ZNF76: variants seen among roughly 807,000 people sequenced by gnomAD.
ZNF76 encodes the protein zinc finger protein 76, also known as zinc finger protein 523.
ZNF76 carries 66 observed loss-of-function variants against 66.9 expected under a neutral mutation model. The observed-to-expected ratio is 0.99, with a 90% CI of 0.81 to 1.21. The LOEUF (loss-of-function observed/expected upper bound fraction) is 1.21. Among genes scored for constraint, ZNF76 ranks in the 50% most tolerant of loss-of-function variants. The pLI, the probability that ZNF76 is intolerant of heterozygous loss-of-function variation, is 0.00. For missense variants in ZNF76, 729 were observed against 760.3 expected, an observed-to-expected ratio of 0.96 and a Z score of 0.48; for synonymous variants, 275 against 296.1, an observed-to-expected ratio of 0.93 and a Z score of 0.73.
intron 12 of ZNF76, 31 bp from the exon 13 acceptor site, chr6:35,294,425 G>C: frequency 6.9e-7 from 1 of 1,450,338 alleles, no homozygotes; most frequent in Non-Finnish European, 9.7e-7. Flanking sequence ...TATACTGCAG[G>C]TGGAATGGAA....
At chr6:35,294,382 A>T (rs1433729280) in intron 12 of ZNF76, 74 bp from the exon 13 acceptor site, 2 of 1,019,096 alleles carry the variant, frequency 2.0e-6, no homozygotes, top group African/African-American at 3.1e-5. Flanking sequence ...CCTTAATTGG[A>T]GGGATGTTTA....
rs894410546 is a variant in ZNF76, at chr6:35,279,589, G to T, written c.-96-1467G>T. ...ACTACAGGTGCCCACCACCACGCCCGGCTAATTTTTTGTATTTTTAGTAGA... is the reference window on the plus strand; with the variant it reads ...ACTACAGGTGCCCACCACCACGCCCTGCTAATTTTTTGTATTTTTAGTAGA... On this transcript the variant is annotated intron_variant, in intron 1 of 13. Coordinates refer to ENST00000373953, the MANE Select transcript of ZNF76 (RefSeq NM_003427.5). The T allele has an allele frequency of 2.0e-5, 3 of 151,464 alleles. No homozygotes were observed. In the East Asian group the frequency reaches 5.8e-4, roughly 29 times the overall value. The allele number at this position is 151,464 out of a possible 1,614,324, so 9.4% of individuals were successfully genotyped here.
At chr6:35,265,520 A>AAAG (rs200688463) in intron 1 of ZNF76, among the ~76,000 whole-genome samples, 21 of 149,274 alleles carry the variant, frequency 1.4e-4, no homozygotes, top group South Asian at 4.2e-4. Context: ...AAAAAAAAAA[A>AAAG]AAGAAGAAGA....
Position 35,290,335 on chromosome 6 carries a change from G to A in ZNF76, c.502G>A (p.Gly168Ser), listed in dbSNP as rs1172496080. Residue 168 changes from glycine to serine, a missense_variant, in exon 6 of 14, where the codon GGC becomes AGC. Physicochemically the swap from Gly to Ser is moderately conservative, Grantham distance 56 (BLOSUM62 0). Transcript: ENST00000373953. ...QQVGDRAFRC[G>S]YKGCGRLYTT... ...AGTTGGAGACAGAGCATTCCGCTGT[G>A]GCTACAAGGGCTGTGGGCGTCTCTA... 6.2e-7 allele frequency: 1 copy of A among 1,614,176 alleles called. No homozygotes were observed. The highest frequency in any genetic ancestry group is 8.5e-7 in the Non-Finnish European group (1 of 1,180,014).
Position 35,281,165 on chromosome 6 carries a change from G to C in ZNF76, c.14G>C (p.Gly5Ala). ...CAGCAGTTTGCCATGGAGAGCTTGG[G>C]GCTGCACACGGTGACCCTTAGTGAT... MESL[G>A]LHTVTLSDGT... The change falls in exon 2 of 14, where the codon GGG (glycine) becomes GCG (alanine). Residue 5 changes from glycine (G) to alanine (A), a missense_variant. By Grantham distance (60) the Gly-to-Ala change is moderately conservative. Coordinates refer to ENST00000373953, the MANE Select transcript of ZNF76 (RefSeq NM_003427.5). 5.6e-6 allele frequency: 9 copies of C among 1,614,002 alleles called. No individual in the cohort carries two copies. The highest frequency in any genetic ancestry group is 7.6e-6 in the Non-Finnish European group (9 of 1,180,026).
intron 1 of ZNF76, among the ~76,000 whole-genome samples, chr6:35,276,797 T>G (rs1234337196): frequency 2.1e-5 from 3 of 142,416 alleles, no homozygotes; most frequent in East Asian, 4.0e-4. Flanking sequence ...ATGGGTTTTT[T>G]TTTTTTTTTT....
At chr6:35,291,483 C>T (rs192922223) in intron 8 of ZNF76, 75 bp from the exon 9 acceptor site, 585 of 1,609,346 alleles carry the variant, frequency 3.6e-4, no homozygotes, top group East Asian at 1.6e-3. Context: ...AGACCTGGAG[C>T]CCAGTGCCAT....
At position 35,292,493 on chromosome 6, in the gene ZNF76, C is replaced by A; in HGVS notation, c.932-61C>A. On this transcript the variant is annotated intron_variant, in intron 9 of 13. Coordinates refer to ENST00000373953, the MANE Select transcript of ZNF76 (RefSeq NM_003427.5). This position sits in a 1 kb window ranked among gnomAD's most constrained non-coding sequence, Gnocchi z 4.7. ...CACCAACCCTGTCCCTCACCCCTGT[C>A]CCCTTAGTTTCCCCCTTGCCAGCCC... The A allele has an allele frequency of 6.3e-7, 1 of 1,584,558 alleles. No individual in the cohort carries two copies. The highest frequency in any genetic ancestry group is 8.6e-7 in the Non-Finnish European group (1 of 1,156,266).
intron 5 of ZNF76, among the ~76,000 whole-genome samples, chr6:35,289,464 G>A (rs905905629): frequency 1.3e-5 from 2 of 152,172 alleles, no homozygotes; most frequent in African/African-American, 4.8e-5. Context: ...GTAACTTGTA[G>A]AGTTCAGTTT....
Position 35,290,717 on chromosome 6 carries a change from G to A in ZNF76, c.625+1G>A, listed in dbSNP as rs752682284. 6.2e-7 allele frequency: 1 copy of A among 1,614,142 alleles called. No homozygotes were observed. Among genetic ancestry groups the A allele is most frequent in the South Asian group, 1.1e-5 (1 of 91,090 alleles). On this transcript the variant is annotated splice_donor_variant, in intron 7 of 13. Transcript: ENST00000373953. LOFTEE classifies it high-confidence loss of function. Reference sequence around the variant, plus strand: ...AGCTGTGGAAAGGCCTTTGCCACAGGTAACCTGCCTGGTGGGCTGCTTCCA... The same window carrying A: ...AGCTGTGGAAAGGCCTTTGCCACAGATAACCTGCCTGGTGGGCTGCTTCCA...
intron 1 of ZNF76, among the ~76,000 whole-genome samples, chr6:35,280,407 T>C (rs746522734): frequency 4.6e-5 from 7 of 152,034 alleles, no homozygotes; most frequent in Non-Finnish European, 8.8e-5. Flanking sequence ...CAAAAGTTTA[T>C]CTGAGGACAT....
At chr6:35,262,904 G>A (rs1253622630) in intron 1 of ZNF76, among the ~76,000 whole-genome samples, 1 of 152,008 alleles carries the variant, frequency 6.6e-6, no homozygotes, top group Non-Finnish European at 1.5e-5. Flanking sequence ...AACCCGGATT[G>A]TCTTTCACCC....
At chr6:35,293,155 T>G (rs1368412319) in intron 11 of ZNF76, 111 bp downstream of exon 11, 1 of 1,339,610 alleles carries the variant, frequency 7.5e-7, no homozygotes, top group Non-Finnish European at 1.0e-6. Flanking sequence ...AGCTTCTTGT[T>G]TAAGTTTTAT....
chr6:35,261,795 G>T (rs187992625), intron 1 of ZNF76, among the ~76,000 whole-genome samples: 1 of 152,080 alleles, frequency 6.6e-6, no homozygotes, highest in Non-Finnish European at 1.5e-5. Context: ...GATTATAGGC[G>T]TGAGCCACCA....
intron 1 of ZNF76, among the ~76,000 whole-genome samples, chr6:35,260,055 T>C (rs4713844): frequency 0.84 from 123,625 of 146,480 alleles, 51,860 homozygotes; most frequent in East Asian, 0.99. Flanking sequence ...CTCCCAAACC[T>C]CACCCCGTGA....
Position 35,293,802 on chromosome 6 carries a change from G to T in ZNF76, c.1381G>T (p.Val461Phe). 1.2e-6 allele frequency: 2 copies of T among 1,614,060 alleles called. No homozygotes were observed. The highest frequency in any genetic ancestry group is 1.3e-5 in the African/African-American group (1 of 75,014). Reference protein sequence around the residue: ...LQALGSAISMVTQHGSTTLTI... With the variant: ...LQALGSAISMFTQHGSTTLTI... Reference sequence around the variant, plus strand: ...GGCCCTGGGGAGTGCCATCAGTATGGTCACCCAGCACGGCAGCACCACCCT... The same window carrying T: ...GGCCCTGGGGAGTGCCATCAGTATGTTCACCCAGCACGGCAGCACCACCCT... Residue 461 changes from valine to phenylalanine, a missense_variant, in exon 12 of 14, where the codon GTC becomes TTC. By Grantham distance (50) the Val-to-Phe change is conservative. Transcript: ENST00000373953.
chr6:35,280,523 C>A (rs1043909886), intron 1 of ZNF76, among the ~76,000 whole-genome samples: 9 of 131,878 alleles, frequency 6.8e-5, no homozygotes, highest in South Asian at 3.3e-4. Flanking sequence ...TGATCCCCCC[C>A]CCCCCCGCCC....
At position 35,287,596 on chromosome 6, in the gene ZNF76, G is replaced by T. The variant is rs990013353; in HGVS notation, c.233-50G>T. 6.5e-6 allele frequency: 10 copies of T among 1,527,106 alleles called. No individual in the cohort carries two copies. The highest frequency in any genetic ancestry group is 1.9e-5 in the Admixed American group (1 of 51,360). 94.6% of individuals were successfully genotyped at this position (1,527,106 alleles called of 1,614,324 possible). A position where few individuals can be genotyped will look rare whatever the true frequency, so the allele number is the denominator to read the frequency against. On this transcript the variant is annotated intron_variant, in intron 4 of 13. Transcript: ENST00000373953. The surrounding 1 kb of genome is among the most constrained non-coding windows in gnomAD (Gnocchi z 4.0). ...TTAACTTAAAGCTAGGGTCCCAGCTGTATCTCTTCCCCTTGTGTGGCATCA... is the reference window on the plus strand; with the variant it reads ...TTAACTTAAAGCTAGGGTCCCAGCTTTATCTCTTCCCCTTGTGTGGCATCA...
intron 1 of ZNF76, among the ~76,000 whole-genome samples, chr6:35,275,698 C>G (rs1394118669): frequency 6.6e-6 from 1 of 152,148 alleles, no homozygotes; most frequent in East Asian, 1.9e-4. Context: ...TATTACGAGA[C>G]TTAGGAAGGA....
Sources: gnomAD v4.1 joint callset for allele counts (sites outside exome capture counted in the v4.1 genomes callset) on GRCh38, gnomAD v4.1.1 for gene constraint, Gnocchi (gnomAD v3.1) non-coding constraint, MANE v1.5 for transcripts, NCBI Gene and HGNC (gene_info 2026-07-23, HGNC 2026-07-21) for gene names.